Variants in TACR3 observed in about 807,000 individuals in gnomAD.
TACR3 encodes neuromedin-K receptor.
A neutral mutation model predicts 35.0 loss-of-function variants in TACR3; 34 were observed. The observed-to-expected ratio is 0.97, with a 90% confidence interval of 0.74 to 1.30. The LOEUF (loss-of-function observed/expected upper bound fraction) is 1.30. Ranked by LOEUF, TACR3 falls within the 50% of genes most tolerant of loss-of-function variation. The pLI, the probability that TACR3 is intolerant of heterozygous loss-of-function variation, is 0.00. For synonymous variants in TACR3, 233 were observed against 221.1 expected (o/e 1.05, Z -0.48); for missense variants, 558 against 591.7 (o/e 0.94, Z 0.59).
At chr4:103,656,946 A>AAAAACAAAAC (rs143039935) in intron 2 of TACR3, among the ~76,000 whole-genome samples, 23,990 of 150,904 alleles carry the variant, frequency 0.16, 2,105 homozygotes, top group African/African-American at 0.23. Flanking sequence ...TTAACTTGGT[A>AAAAACAAAAC]AAAACAAAAC....
intron 1 of TACR3, among the ~76,000 whole-genome samples, chr4:103,665,847 G>C (rs1343671037): frequency 6.6e-6 from 1 of 152,016 alleles, no homozygotes; most frequent in Non-Finnish European, 1.5e-5. Context: ...AAAAATATAC[G>C]TATGATTTCC....
chr4:103,650,546 A>C (rs1361861360), intron 3 of TACR3, among the ~76,000 whole-genome samples: 1 of 88,486 alleles, frequency 1.1e-5, no homozygotes, highest in Admixed American at 1.3e-4. Flanking sequence ...TAAATATATA[A>C]AATAAATTTA....
At chr4:103,594,296 G>T (rs1723957331) in intron 3 of TACR3, among the ~76,000 whole-genome samples, 1 of 151,680 alleles carries the variant, frequency 6.6e-6, no homozygotes, top group Admixed American at 6.6e-5. Context: ...TTCTGCCTCA[G>T]CCTCCCAAGT....
chr4:103,606,770 G>A (rs1219641827), intron 3 of TACR3, among the ~76,000 whole-genome samples: 1 of 152,238 alleles, frequency 6.6e-6, no homozygotes, highest in Admixed American at 6.5e-5. Context: ...TCTGCAAACA[G>A]GGACAATTTG....
At chr4:103,635,769 T>A in intron 3 of TACR3, among the ~76,000 whole-genome samples, 1 of 123,706 alleles carries the variant, frequency 8.1e-6, no homozygotes, top group Non-Finnish European at 1.6e-5. Flanking sequence ...TGGAAGAGAA[T>A]TTAGAGGTAG....
intron 3 of TACR3, among the ~76,000 whole-genome samples, chr4:103,631,745 T>C (rs1468000359): frequency 6.6e-6 from 1 of 152,186 alleles, no homozygotes; most frequent in Non-Finnish European, 1.5e-5. Flanking sequence ...GATTCTCTCA[T>C]CTATAAAATG....
intron 1 of TACR3, among the ~76,000 whole-genome samples, chr4:103,703,594 G>A (rs1016914152): frequency 2.0e-5 from 3 of 152,144 alleles, no homozygotes; most frequent in Non-Finnish European, 4.4e-5. Context: ...GTCTAATGAA[G>A]TGGTGGAGCT....
intron 1 of TACR3, among the ~76,000 whole-genome samples, chr4:103,690,387 C>A (rs1722375750): frequency 6.6e-6 from 1 of 151,970 alleles, no homozygotes; most frequent in Non-Finnish European, 1.5e-5. Context: ...ACAAAATAGT[C>A]TTTAAGACAA....
chr4:103,661,497 A>T (rs1174892125), intron 1 of TACR3, among the ~76,000 whole-genome samples: 1 of 152,028 alleles, frequency 6.6e-6, no homozygotes, highest in Admixed American at 6.6e-5. Flanking sequence ...AATGAATGTG[A>T]TTTAGGTATT....
chr4:103,677,070 A>C (rs1175352755), intron 1 of TACR3, among the ~76,000 whole-genome samples: 3 of 152,204 alleles, frequency 2.0e-5, no homozygotes, highest in African/African-American at 7.2e-5. Flanking sequence ...GACATTTCTC[A>C]AAAGAAGACA....
intron 1 of TACR3, among the ~76,000 whole-genome samples, chr4:103,686,871 A>G (rs1209248190): frequency 6.6e-6 from 1 of 152,170 alleles, no homozygotes; most frequent in African/African-American, 2.4e-5. Flanking sequence ...ATAGAAAAAG[A>G]GGGAATCCTC....
At chr4:103,664,290 G>A (rs1164596656) in intron 1 of TACR3, among the ~76,000 whole-genome samples, 1 of 152,106 alleles carries the variant, frequency 6.6e-6, no homozygotes, top group Non-Finnish European at 1.5e-5. Flanking sequence ...CTTTTGAAAG[G>A]CAGATTAGTT....
intron 1 of TACR3, among the ~76,000 whole-genome samples, chr4:103,709,419 GAAGGAGAAATAAAA>G (rs1432639203): frequency 2.0e-5 from 3 of 152,148 alleles, no homozygotes; most frequent in African/African-American, 7.2e-5. Context: ...CTTCATAAGT[GAAGGAGAAATAAAA>G]TCCTTTACAG....
At chr4:103,717,302 C>T (rs1307333352) in intron 1 of TACR3, among the ~76,000 whole-genome samples, 2 of 151,670 alleles carry the variant, frequency 1.3e-5, no homozygotes, top group African/African-American at 2.4e-5. Context: ...TTTCAGTACT[C>T]GAACTGAGTA....
intron 3 of TACR3, among the ~76,000 whole-genome samples, chr4:103,624,125 A>G (rs928506679): frequency 3.9e-5 from 6 of 152,126 alleles, no homozygotes; most frequent in Non-Finnish European, 8.8e-5. Flanking sequence ...ATTCTAATTA[A>G]TATTTGAGTT....
intron 3 of TACR3, among the ~76,000 whole-genome samples, chr4:103,613,215 A>G (rs1578226577): frequency 1.3e-5 from 2 of 152,352 alleles, no homozygotes; most frequent in East Asian, 3.9e-4. Context: ...GTGATTAAAA[A>G]GAAGGACTAA....
rs1460265683 is a variant in TACR3 at position 103,591,519 on chromosome 4, G to T, written c.1053C>A (p.Tyr351Ter). ...SFWLAMSSTM[Y>*]NPIIYCCLNK... is the part of the protein sequence containing the mutation. The stretch of plus-strand genomic sequence containing the variant: ...TCAGACAGCAGTAGATGATGGGATT[G>T]TACATGGTTGAGCTCATTGCCAGCC... Residue 351 changes from tyrosine (Y) to a stop codon, truncating the protein, a stop_gained, in exon 4 of 5, where the codon TAC becomes TAA. Transcript: ENST00000304883. LOFTEE classifies it high-confidence loss of function. 1.2e-6 allele frequency: 2 copies of T among 1,613,762 alleles called. No homozygotes were observed. The highest frequency in any genetic ancestry group is 1.7e-5 in the Admixed American group (1 of 59,972).
chr4:103,629,999 C>T (rs1436314055), intron 3 of TACR3, among the ~76,000 whole-genome samples: 1 of 151,996 alleles, frequency 6.6e-6, no homozygotes, highest in Non-Finnish European at 1.5e-5. Flanking sequence ...GAGATATAGA[C>T]CAATGGTACA....
chr4:103,689,201 G>C (rs1722338837), intron 1 of TACR3, among the ~76,000 whole-genome samples: 1 of 138,802 alleles, frequency 7.2e-6, no homozygotes, highest in Non-Finnish European at 1.5e-5. Context: ...ATTGAACAAT[G>C]AGAACACATG....
Sources: gnomAD v4.1 joint callset for allele counts (sites outside exome capture counted in the v4.1 genomes callset) on GRCh38, gnomAD v4.1.1 for gene constraint, MANE v1.5 for transcripts, NCBI Gene and HGNC (gene_info 2026-07-23, HGNC 2026-07-21) for gene names.